TBC1D5: variants seen among roughly 807,000 people sequenced by gnomAD.
The protein encoded by TBC1D5 is TBC1 domain family member 5.
TBC1D5 carries 75 observed loss-of-function variants against 100.3 expected under a neutral mutation model. That is an observed-to-expected ratio of 0.75 (90% CI 0.62 to 0.91). The LOEUF (loss-of-function observed/expected upper bound fraction) is 0.91, where lower values mean the gene tolerates loss of function less well. TBC1D5 is among the 40% of genes least tolerant of loss of function. The pLI, the probability that TBC1D5 is intolerant of heterozygous loss-of-function variation, is 0.00. For synonymous variants in TBC1D5, 323 were observed against 325.6 expected (o/e 0.99, Z 0.09); for missense variants, 910 against 942.4 (o/e 0.97, Z 0.45).
chr3:17,232,038 C>T (rs141519731), intron 17 of TBC1D5, among the ~76,000 whole-genome samples: 128 of 152,302 alleles, frequency 8.4e-4, no homozygotes, highest in African/African-American at 2.8e-3. Context: ...GAGCTTGACA[C>T]AGCAGCAGGC....
intron 18 of TBC1D5, among the ~76,000 whole-genome samples, chr3:17,195,002 C>G (rs917713570): frequency 2.6e-5 from 4 of 152,136 alleles, no homozygotes; most frequent in African/African-American, 9.7e-5. Context: ...ATAGGTGTAA[C>G]CAGAGGAAGA....
intron 3 of TBC1D5, among the ~76,000 whole-genome samples, chr3:17,461,763 A>G (rs1009475895): frequency 1.3e-5 from 2 of 151,974 alleles, no homozygotes; most frequent in Admixed American, 6.6e-5. Context: ...TCTCTAACCC[A>G]CTTCCTATAA....
At position 17,641,199 on chromosome 3, in the gene TBC1D5, T is replaced by C. The variant is rs1034591619; in HGVS notation, c.-100-17286A>G. On this transcript the variant is annotated intron_variant, in intron 1 of 21. Coordinates refer to ENST00000253692, the Ensembl canonical transcript of TBC1D5. ...TGATTTATTAGGACACCAGGGGTCC[T>C]ATGAATTAGTCCATTGCTTACTTAA... 2.6e-5 allele frequency among the ~76,000 whole-genome samples: 4 copies of C among 152,188 alleles called. No homozygotes were observed. In the East Asian group the frequency reaches 7.7e-4, roughly 29 times the overall value.
chr3:17,215,649 G>C (rs1286719147), intron 17 of TBC1D5, among the ~76,000 whole-genome samples: 2 of 152,076 alleles, frequency 1.3e-5, no homozygotes, highest in Admixed American at 1.3e-4. Context: ...TTAAACATGA[G>C]GTTATCAATG....
chr3:17,233,229 C>T (rs961164888), intron 17 of TBC1D5, among the ~76,000 whole-genome samples: 1 of 152,080 alleles, frequency 6.6e-6, no homozygotes, highest in Admixed American at 6.6e-5. Context: ...AAAGGCAATA[C>T]TTAAAAACAT....
chr3:17,573,335 G>C (rs538135629), intron 2 of TBC1D5, among the ~76,000 whole-genome samples: 16 of 151,960 alleles, frequency 1.1e-4, no homozygotes, highest in African/African-American at 3.6e-4. Context: ...TAAGTATCTG[G>C]GCTCTTGAAT....
At chr3:17,184,475 C>T (rs1339448914) in intron 19 of TBC1D5, 1 of 151,996 alleles carries the variant, frequency 6.6e-6, no homozygotes, top group East Asian at 1.9e-4. Context: ...TTACAAAGGG[C>T]AATATACTAG....
chr3:17,334,996 C>G (rs542158014), intron 13 of TBC1D5, among the ~76,000 whole-genome samples: 1 of 151,868 alleles, frequency 6.6e-6, no homozygotes, highest in Non-Finnish European at 1.5e-5. Context: ...GTCCATGTAC[C>G]CTTTTAATCA....
chr3:17,417,297 C>A (rs1487653240), intron 4 of TBC1D5, among the ~76,000 whole-genome samples: 1 of 151,326 alleles, frequency 6.6e-6, no homozygotes, highest in Non-Finnish European at 1.5e-5. Context: ...CCCATTAACT[C>A]GTCATTTAGC....
chr3:17,363,720 A>C (rs149489128), intron 13 of TBC1D5, among the ~76,000 whole-genome samples: 1 of 151,778 alleles, frequency 6.6e-6, no homozygotes, highest in East Asian at 1.9e-4. Flanking sequence ...TGTTTCTTTA[A>C]ATGTTTGAAT....
chr3:17,673,004 A>C (rs943035185), intron 1 of TBC1D5, among the ~76,000 whole-genome samples: 1 of 152,242 alleles, frequency 6.6e-6, no homozygotes, highest in Non-Finnish European at 1.5e-5. Context: ...TGAATCAACC[A>C]GGTGTAAAAA....
intron 16 of TBC1D5, among the ~76,000 whole-genome samples, chr3:17,238,736 A>G (rs2076077525): frequency 6.6e-6 from 1 of 152,188 alleles, no homozygotes; most frequent in Admixed American, 6.5e-5. Context: ...AGTCTAGTAG[A>G]GAAGAAGTAT....
At chr3:17,440,097 T>C (rs190947904) in intron 3 of TBC1D5, among the ~76,000 whole-genome samples, 75 of 152,302 alleles carry the variant, frequency 4.9e-4, no homozygotes, top group Non-Finnish European at 4.0e-4. Context: ...ATCCCTGACA[T>C]ACTTCAGTTT....
At chr3:17,356,247 T>C (rs2091201613) in intron 13 of TBC1D5, among the ~76,000 whole-genome samples, 1 of 152,314 alleles carries the variant, frequency 6.6e-6, no homozygotes, top group African/African-American at 2.4e-5. Context: ...CTGGGGACTA[T>C]TGAGCTTTTG....
chr3:17,287,624 G>C (rs144883590), intron 15 of TBC1D5, among the ~76,000 whole-genome samples: 14 of 152,306 alleles, frequency 9.2e-5, no homozygotes, highest in Admixed American at 6.5e-4. Flanking sequence ...TAGGGTTGTT[G>C]ATTAATGTCA....
chr3:17,735,092 TA>T (rs909910315), intron 1 of TBC1D5, among the ~76,000 whole-genome samples: 4 of 151,802 alleles, frequency 2.6e-5, no homozygotes, highest in Non-Finnish European at 4.4e-5. Flanking sequence ...GACCTTGTCT[TA>T]AAAAAAATAA....
chr3:17,691,411 C>G (rs1019868092), intron 1 of TBC1D5, among the ~76,000 whole-genome samples: 1 of 152,222 alleles, frequency 6.6e-6, no homozygotes. Flanking sequence ...TAAATTCACA[C>G]TACTTGTATG....
At chr3:17,190,537 G>T (rs1201590991) in intron 18 of TBC1D5, among the ~76,000 whole-genome samples, 5 of 152,180 alleles carry the variant, frequency 3.3e-5, no homozygotes, top group Non-Finnish European at 7.3e-5. Context: ...ACGAGCTGAG[G>T]TTCAGCAGAA....
At position 17,581,933 on chromosome 3, in the gene TBC1D5, G is replaced by C. The variant is rs560514670; in HGVS notation, c.-36+41916C>G. Among the ~76,000 whole-genome samples the C allele has an allele frequency of 4.6e-5, 7 of 152,084 alleles. No individual in the cohort carries two copies. The South Asian group carries it at 1.5e-3, about 32-fold the overall frequency. On this transcript the variant is annotated intron_variant, in intron 2 of 21. Coordinates refer to ENST00000253692, the Ensembl canonical transcript of TBC1D5. ...TAAATATTCCTGCCTCAGGACCTTC[G>C]TACTTCGTGATCCTTCACCTCACTC...
Sources: gnomAD v4.1 joint callset for allele counts (sites outside exome capture counted in the v4.1 genomes callset) on GRCh38, gnomAD v4.1.1 for gene constraint, MANE v1.5 for transcripts, NCBI Gene and HGNC (gene_info 2026-07-23, HGNC 2026-07-21) for gene names.